Variants in PAPPA observed in about 807,000 individuals in gnomAD.
PAPPA encodes the protein pappalysin 1.
PAPPA carries 60 observed loss-of-function variants against 164.0 expected under a neutral mutation model. That is an observed-to-expected ratio of 0.37 (90% CI 0.30 to 0.45). The LOEUF (loss-of-function observed/expected upper bound fraction) is 0.45. PAPPA is among the 20% of genes least tolerant of loss of function. The pLI, the probability that PAPPA is intolerant of heterozygous loss-of-function variation, is 1.00. For synonymous variants in PAPPA, 875 were observed against 814.1 expected (o/e 1.07, Z -1.27); for missense variants, 1,782 against 2,087.3 (o/e 0.85, Z 2.85).
intron 1 of PAPPA, among the ~76,000 whole-genome samples, chr9:116,171,377 G>A (rs1200275149): frequency 6.6e-6 from 1 of 151,994 alleles, no homozygotes; most frequent in Non-Finnish European, 1.5e-5. Context: ...ATTCCCACTC[G>A]CCTTGTAAAA....
At chr9:116,315,739 T>C (rs781728149) in intron 10 of PAPPA, among the ~76,000 whole-genome samples, 1 of 151,380 alleles carries the variant, frequency 6.6e-6, no homozygotes, top group Non-Finnish European at 1.5e-5. Context: ...GGAAGAAAGA[T>C]GGGAGGAAGA....
At chr9:116,231,996 TG>T (rs950309419) in intron 6 of PAPPA, among the ~76,000 whole-genome samples, 1 of 151,942 alleles carries the variant, frequency 6.6e-6, no homozygotes, top group Non-Finnish European at 1.5e-5. Context: ...TCAAGTGATC[TG>T]CCTGCCTAGG....
chr9:116,273,894 G>A (rs2118830240), intron 9 of PAPPA, among the ~76,000 whole-genome samples: 1 of 152,258 alleles, frequency 6.6e-6, no homozygotes, highest in African/African-American at 2.4e-5. Flanking sequence ...GGTGATATTT[G>A]CTTAATACTT....
intron 10 of PAPPA, among the ~76,000 whole-genome samples, chr9:116,310,817 C>A (rs1845707370): frequency 1.3e-5 from 2 of 152,158 alleles, no homozygotes; most frequent in Admixed American, 1.3e-4. Flanking sequence ...CTAGAGTCCA[C>A]CACTTACTAG....
At chr9:116,363,050 G>T (rs1846450319) in intron 18 of PAPPA, among the ~76,000 whole-genome samples, 1 of 152,194 alleles carries the variant, frequency 6.6e-6, no homozygotes. Context: ...GCTTGTCGGG[G>T]AAGAAATGCT....
At chr9:116,256,328 C>T (rs1395450360) in intron 7 of PAPPA, among the ~76,000 whole-genome samples, 1 of 151,138 alleles carries the variant, frequency 6.6e-6, no homozygotes. Flanking sequence ...TTAAGATGAA[C>T]AAAGAAGAGA....
chr9:116,244,098 A>C (rs1732429741), intron 7 of PAPPA, among the ~76,000 whole-genome samples: 1 of 152,162 alleles, frequency 6.6e-6, no homozygotes. Flanking sequence ...TCAGAATGAA[A>C]TATGGGTTCT....
intron 19 of PAPPA, among the ~76,000 whole-genome samples, chr9:116,377,353 G>C (rs1341306177): frequency 1.3e-5 from 2 of 152,148 alleles, no homozygotes; most frequent in Non-Finnish European, 1.5e-5. Flanking sequence ...GTTCCTGCCA[G>C]GGAAATACAG....
At chr9:116,183,411 AAT>A (rs1843930646) in intron 1 of PAPPA, among the ~76,000 whole-genome samples, 1 of 152,158 alleles carries the variant, frequency 6.6e-6, no homozygotes, top group Admixed American at 6.5e-5. Context: ...AGAGAAGGGA[AAT>A]TAGGTTCAGC....
intron 9 of PAPPA, among the ~76,000 whole-genome samples, chr9:116,302,178 G>C (rs1188427990): frequency 6.6e-6 from 1 of 151,964 alleles, no homozygotes; most frequent in African/African-American, 2.4e-5. Flanking sequence ...GTTTTTATGA[G>C]GAATATTTCG....
intron 21 of PAPPA, among the ~76,000 whole-genome samples, chr9:116,396,200 G>T (rs1011303077): frequency 2.0e-5 from 3 of 152,110 alleles, no homozygotes; most frequent in Admixed American, 1.3e-4. Context: ...CAATAAAAGG[G>T]TGATTGTTGC....
chr9:116,174,309 T>C (rs1843807718), intron 1 of PAPPA, among the ~76,000 whole-genome samples: 1 of 152,060 alleles, frequency 6.6e-6, no homozygotes, highest in Admixed American at 6.6e-5. Context: ...GCCATCTCTC[T>C]CCTGAAAGGC....
At chr9:116,244,270 A>C (rs749251181) in intron 7 of PAPPA, among the ~76,000 whole-genome samples, 1 of 152,194 alleles carries the variant, frequency 6.6e-6, no homozygotes, top group African/African-American at 2.4e-5. Context: ...AAACTTTTAT[A>C]GATTACTCTA....
intron 15 of PAPPA, among the ~76,000 whole-genome samples, chr9:116,350,993 G>GA (rs1432265016): frequency 1.3e-5 from 2 of 152,102 alleles, no homozygotes; most frequent in South Asian, 2.1e-4. Flanking sequence ...GAAGAAAAAT[G>GA]AAAAAAATGA....
At chr9:116,327,062 A>G (rs1476728241) in intron 10 of PAPPA, among the ~76,000 whole-genome samples, 1 of 152,164 alleles carries the variant, frequency 6.6e-6, no homozygotes, top group East Asian at 1.9e-4. Flanking sequence ...GGACAGAAAA[A>G]CAGGTTTGAG....
At chr9:116,174,673 ATTCT>A (rs1316208494) in intron 1 of PAPPA, among the ~76,000 whole-genome samples, 1 of 152,094 alleles carries the variant, frequency 6.6e-6, no homozygotes, top group Non-Finnish European at 1.5e-5. Context: ...AAATGGATTA[ATTCT>A]TTCTTTTAGA....
chr9:116,231,648 G>A (rs1053120684), intron 6 of PAPPA, among the ~76,000 whole-genome samples: 9 of 147,394 alleles, frequency 6.1e-5, no homozygotes, highest in African/African-American at 2.3e-4. Flanking sequence ...TTGAATGCAT[G>A]GAATGAATGG....
chr9:116,325,040 A>G (rs1271944397), intron 10 of PAPPA, among the ~76,000 whole-genome samples: 2 of 152,120 alleles, frequency 1.3e-5, no homozygotes, highest in Non-Finnish European at 2.9e-5. Flanking sequence ...ATTTTTATGA[A>G]TGAATGTGGT....
chr9:116,341,195 C>T (rs975189357), intron 13 of PAPPA, among the ~76,000 whole-genome samples: 4 of 151,960 alleles, frequency 2.6e-5, no homozygotes, highest in East Asian at 3.9e-4. Context: ...TGTGCACCAC[C>T]GCTCCCAGCT....
Sources: allele counts gnomAD v4.1 joint callset (sites outside exome capture counted in the v4.1 genomes callset), GRCh38; gene constraint gnomAD v4.1.1; transcripts MANE v1.5; gene names NCBI Gene and HGNC (gene_info 2026-07-23, HGNC 2026-07-21).